The following HCRTR2 variants were observed in gnomAD, a reference collection of about 807,000 sequenced individuals.
HCRTR2 encodes the protein orexin receptor type 2.
Under a neutral mutation model 49.0 loss-of-function variants are expected in HCRTR2, and 22 were observed. That is an observed-to-expected ratio of 0.45 (90% confidence interval 0.32 to 0.64). HCRTR2 has a LOEUF of 0.64. Among genes scored for constraint, HCRTR2 ranks in the 30% least tolerant of loss-of-function variants. The probability of loss-of-function intolerance (pLI) is 0.04; values close to 1 mark genes in which losing one functional copy is unlikely to be tolerated. For missense variants in HCRTR2, 491 were observed against 559.4 expected (o/e 0.88, Z 1.23); for synonymous variants, 236 against 205.3 (o/e 1.15, Z -1.28).
chr6:55,170,631 C>T (rs140913282), upstream of HCRTR2, among the ~76,000 whole-genome samples: 8,807 of 151,838 alleles, frequency 0.058, 379 homozygotes, highest in Non-Finnish European at 0.087. Flanking sequence ...ATGTGCACAA[C>T]GTGCAGGTTT....
At chr6:55,159,396 A>C (rs1270037965) in intron 1 of HCRTR2, among the ~76,000 whole-genome samples, 1 of 152,200 alleles carries the variant, frequency 6.6e-6, no homozygotes, top group African/African-American at 2.4e-5. Flanking sequence ...CCAGCACAAA[A>C]AAGCTGAAAA....
intron 1 of HCRTR2, among the ~76,000 whole-genome samples, chr6:55,230,700 CAT>C (rs145900393): frequency 0.02 from 3,020 of 152,196 alleles, 42 homozygotes; most frequent in Non-Finnish European, 0.026. Context: ...CATTTTAAAA[CAT>C]GTGTAAGGCA....
intron 1 of HCRTR2, among the ~76,000 whole-genome samples, chr6:55,138,595 A>G (rs867402512): frequency 6.6e-6 from 1 of 152,214 alleles, no homozygotes; most frequent in Non-Finnish European, 1.5e-5. Flanking sequence ...ACTGCTTTAC[A>G]TATATGAATT....
intron 1 of HCRTR2, among the ~76,000 whole-genome samples, chr6:55,223,002 A>G (rs545629905): frequency 6.6e-6 from 1 of 152,340 alleles, no homozygotes; most frequent in South Asian, 2.1e-4. Context: ...ACGAGTTCAA[A>G]TAAAATTAAA....
rs1347078981 is a variant in HCRTR2, at chr6:55,272,869, AAAG to A, written c.763-4504_763-4502del. Among the ~76,000 whole-genome samples the A allele has an allele frequency of 6.2e-5, 8 of 129,076 alleles. No individual in the cohort carries two copies. In the East Asian group the frequency reaches 6.4e-4, roughly 10 times the overall value. 84.7% of individuals were successfully genotyped at this position (129,076 alleles called of 152,430 possible). On this transcript the variant is annotated intron_variant, in intron 4 of 6. Transcript: ENST00000370862. ...AACCTTTTTTTTTTTTTTTTTTTGCAAAGAAGAAGTCATAGACTGTGTGAAAGA... is the reference window on the plus strand; with the variant it reads ...AACCTTTTTTTTTTTTTTTTTTTGCAAAGAAGTCATAGACTGTGTGAAAGA...
At chr6:55,107,527 C>T (rs1264006063) in intron 1 of HCRTR2, among the ~76,000 whole-genome samples, 1 of 150,876 alleles carries the variant, frequency 6.6e-6, no homozygotes, top group Non-Finnish European at 1.5e-5. Flanking sequence ...TTTTTTCTCC[C>T]CATAGGTTCT....
At chr6:55,116,184 G>A (rs955354231) in intron 1 of HCRTR2, among the ~76,000 whole-genome samples, 11 of 151,548 alleles carry the variant, frequency 7.3e-5, no homozygotes, top group Non-Finnish European at 1.5e-4. Context: ...GGAATCTATG[G>A]TCTGAATGCA....
At chr6:55,115,576 A>G in intron 1 of HCRTR2, among the ~76,000 whole-genome samples, 1 of 151,636 alleles carries the variant, frequency 6.6e-6, no homozygotes, top group East Asian at 1.9e-4. Flanking sequence ...AGTGCCAGGA[A>G]TATTCTCTAA....
In HCRTR2 at chr6:55,264,281, G is replaced by T. The variant is rs1410915177; in HGVS notation, c.762+459G>T. Reference sequence around the variant, plus strand: ...TATAGGTTAAATCTCCAACTTCAAAGATCTTATTTTTTAGAATATTATAAG... The same window carrying T: ...TATAGGTTAAATCTCCAACTTCAAATATCTTATTTTTTAGAATATTATAAG... On this transcript the variant is annotated intron_variant, in intron 4 of 6. Coordinates refer to ENST00000370862, the MANE Select transcript of HCRTR2 (RefSeq NM_001384272.1). Among the ~76,000 whole-genome samples the T allele has an allele frequency of 9.9e-5, 15 of 152,004 alleles. No homozygotes were observed. In the East Asian group the frequency reaches 2.7e-3, roughly 27 times the overall value.
intron 3 of HCRTR2, among the ~76,000 whole-genome samples, chr6:55,260,813 TATC>T (rs1766739986): frequency 6.6e-6 from 1 of 152,218 alleles, no homozygotes; most frequent in African/African-American, 2.4e-5. Context: ...CAATAAATAT[TATC>T]TATTATTATG....
intron 1 of HCRTR2, among the ~76,000 whole-genome samples, chr6:55,197,465 C>T (rs556930176): frequency 1.3e-5 from 2 of 152,226 alleles, no homozygotes; most frequent in African/African-American, 4.8e-5. Context: ...TACACTAACC[C>T]CAATTCTATC....
rs1340422854 is a variant in HCRTR2, at chr6:55,188,553, A to G, written c.223+13743A>G. On this transcript the variant is annotated intron_variant, in intron 1 of 6. Coordinates refer to ENST00000370862, the MANE Select transcript of HCRTR2 (RefSeq NM_001384272.1). ...CAAAAGGTACACAGAAAAATAAAGC[A>G]TCCTGAACCAACGCACTGACTTTCT... 2.0e-5 allele frequency among the ~76,000 whole-genome samples: 3 copies of G among 152,190 alleles called. No individual in the cohort carries two copies. The East Asian group carries it at 5.8e-4, about 29-fold the overall frequency.
intron 4 of HCRTR2, among the ~76,000 whole-genome samples, chr6:55,270,957 A>T (rs1335360179): frequency 6.6e-6 from 1 of 152,202 alleles, no homozygotes; most frequent in African/African-American, 2.4e-5. Context: ...CAATCTTGTT[A>T]AAATAGAAAT....
chr6:55,264,857 C>A (rs962667500), intron 4 of HCRTR2, among the ~76,000 whole-genome samples: 15 of 152,096 alleles, frequency 9.9e-5, no homozygotes, highest in African/African-American at 3.4e-4. Flanking sequence ...TTTTATCCAA[C>A]TGAAAAGATT....
intron 1 of HCRTR2, among the ~76,000 whole-genome samples, chr6:55,198,220 C>T (rs1006006277): frequency 1.1e-4 from 16 of 152,204 alleles, no homozygotes; most frequent in South Asian, 4.1e-4. Context: ...ACTGACACTA[C>T]CCAAATCCCA....
intron 1 of HCRTR2, among the ~76,000 whole-genome samples, chr6:55,112,134 G>A (rs1764057031): frequency 6.6e-6 from 1 of 151,810 alleles, no homozygotes; most frequent in African/African-American, 2.4e-5. Context: ...AGCATAGAAG[G>A]AACATATCTT....
At chr6:55,120,350 A>T (rs1408908832) in intron 1 of HCRTR2, among the ~76,000 whole-genome samples, 2 of 152,040 alleles carry the variant, frequency 1.3e-5, no homozygotes, top group African/African-American at 4.8e-5. Flanking sequence ...TTTGGGCAGT[A>T]TGGCCATTTT....
At chr6:55,205,691 T>G (rs1765588275) in intron 1 of HCRTR2, among the ~76,000 whole-genome samples, 1 of 152,274 alleles carries the variant, frequency 6.6e-6, no homozygotes, top group Non-Finnish European at 1.5e-5. Context: ...GAGGCCAATT[T>G]ATACTCAAGA....
intron 1 of HCRTR2, among the ~76,000 whole-genome samples, chr6:55,144,667 C>G (rs909178329): frequency 3.9e-5 from 6 of 152,264 alleles, no homozygotes; most frequent in Admixed American, 1.3e-4. Flanking sequence ...AATAGGTTCA[C>G]GCTCCTGTGA....
Sources: gnomAD v4.1 joint callset for allele counts (sites outside exome capture counted in the v4.1 genomes callset) on GRCh38, gnomAD v4.1.1 for gene constraint, MANE v1.5 for transcripts, NCBI Gene and HGNC (gene_info 2026-07-23, HGNC 2026-07-21) for gene names.